The following SGCZ variants were observed in gnomAD, a reference collection of about 807,000 sequenced individuals.
The protein encoded by SGCZ is zeta-sarcoglycan.
A neutral mutation model predicts 41.3 loss-of-function variants in SGCZ; 40 were observed. That is an observed-to-expected ratio of 0.97 (90% CI 0.75 to 1.26). The LOEUF (loss-of-function observed/expected upper bound fraction) is 1.26. SGCZ is among the 50% of genes most tolerant of loss of function. The pLI, the probability that SGCZ is intolerant of heterozygous loss-of-function variation, is 0.00. For synonymous variants in SGCZ, 206 were observed against 137.5 expected, an observed-to-expected ratio of 1.50 and a Z score of -3.49; for missense variants, 552 against 369.8, an observed-to-expected ratio of 1.49 and a Z score of -4.04.
At chr8:14,963,416 G>T (rs180980186) in intron 1 of SGCZ, among the ~76,000 whole-genome samples, 1 of 150,904 alleles carries the variant, frequency 6.6e-6, no homozygotes, top group South Asian at 2.1e-4. Context: ...TTGGCTCACT[G>T]CATCCTGCGC....
intron 1 of SGCZ, among the ~76,000 whole-genome samples, chr8:14,937,604 C>G (rs1029760790): frequency 1.3e-5 from 2 of 151,928 alleles, no homozygotes; most frequent in African/African-American, 4.8e-5. Context: ...TATATACGTA[C>G]GCATATAGAG....
At chr8:14,131,108 T>G (rs977085671) in intron 5 of SGCZ, among the ~76,000 whole-genome samples, 5 of 152,176 alleles carry the variant, frequency 3.3e-5, no homozygotes, top group African/African-American at 9.7e-5. Flanking sequence ...CTATCAAACT[T>G]CTGCTCTTAA....
rs187101114 is a variant in SGCZ, at chr8:14,398,096, T to C, written c.235-73892A>G. ...AAGGGACCCTTTTTGTGACCCTCAA[T>C]TGACATCAAGTAGTCTAGATTTTCC... On this transcript the variant is annotated intron_variant, in intron 2 of 7. Transcript: ENST00000382080. 3.9e-5 allele frequency among the ~76,000 whole-genome samples: 6 copies of C among 152,184 alleles called. No homozygotes were observed. The East Asian group carries it at 5.8e-4, about 15-fold the overall frequency.
At chr8:14,618,415 C>G (rs867541602) in intron 1 of SGCZ, among the ~76,000 whole-genome samples, 74 of 152,076 alleles carry the variant, frequency 4.9e-4, no homozygotes, top group African/African-American at 1.7e-3. Flanking sequence ...CAAAAACATT[C>G]CAGTAGCCAG....
chr8:14,619,077 G>T (rs556249375), intron 1 of SGCZ, among the ~76,000 whole-genome samples: 2 of 152,240 alleles, frequency 1.3e-5, no homozygotes, highest in African/African-American at 4.8e-5. Context: ...CCGTTATAAA[G>T]AACTACCTGA....
chr8:14,280,317 T>C (rs1800378836), intron 3 of SGCZ, among the ~76,000 whole-genome samples: 1 of 151,862 alleles, frequency 6.6e-6, no homozygotes, highest in African/African-American at 2.4e-5. Context: ...AATATAAATT[T>C]AGTTAATGTC....
At chr8:14,153,659 C>T (rs569466587) in intron 5 of SGCZ, among the ~76,000 whole-genome samples, 2 of 152,148 alleles carry the variant, frequency 1.3e-5, no homozygotes, top group Non-Finnish European at 2.9e-5. Context: ...TACTATAAAC[C>T]CCCTACCAAG....
intron 2 of SGCZ, among the ~76,000 whole-genome samples, chr8:14,330,642 A>G (rs1802283823): frequency 6.6e-6 from 1 of 152,036 alleles, no homozygotes; most frequent in Non-Finnish European, 1.5e-5. Flanking sequence ...ATGACATTTG[A>G]AATTTAAAAT....
chr8:15,091,987 C>T (rs1423311338), intron 1 of SGCZ, among the ~76,000 whole-genome samples: 3 of 152,200 alleles, frequency 2.0e-5, no homozygotes, highest in South Asian at 4.2e-4. Flanking sequence ...ATCCTGGGCT[C>T]AAGCGATCCA....
At chr8:14,846,351 T>C (rs1803099635) in intron 1 of SGCZ, among the ~76,000 whole-genome samples, 1 of 151,920 alleles carries the variant, frequency 6.6e-6, no homozygotes, top group Non-Finnish European at 1.5e-5. Context: ...ATCAATGGAA[T>C]TGGACCAAAA....
intron 1 of SGCZ, among the ~76,000 whole-genome samples, chr8:14,682,486 G>C (rs988802735): frequency 1.3e-5 from 2 of 150,346 alleles, no homozygotes; most frequent in African/African-American, 4.9e-5. Context: ...CCAGGCTGGA[G>C]TGCAGTGGTG....
intron 3 of SGCZ, among the ~76,000 whole-genome samples, chr8:14,264,483 G>C (rs1244355181): frequency 6.6e-6 from 1 of 152,112 alleles, no homozygotes; most frequent in Admixed American, 6.5e-5. Context: ...AACATCCGCA[G>C]TAGACCTGCG....
intron 2 of SGCZ, among the ~76,000 whole-genome samples, chr8:14,451,111 C>G (rs1353035750): frequency 6.6e-6 from 1 of 152,152 alleles, no homozygotes; most frequent in East Asian, 1.9e-4. Flanking sequence ...TTCATCTCAC[C>G]TTACACGTTA....
At chr8:14,996,879 C>T (rs1035123968) in intron 1 of SGCZ, among the ~76,000 whole-genome samples, 3 of 152,160 alleles carry the variant, frequency 2.0e-5, no homozygotes, top group African/African-American at 4.8e-5. Flanking sequence ...AAACTTCTGC[C>T]GTGGCTTCTA....
chr8:15,150,287 T>C (rs1323399023), intron 1 of SGCZ, among the ~76,000 whole-genome samples: 12 of 152,180 alleles, frequency 7.9e-5, no homozygotes, highest in Admixed American at 7.9e-4. Context: ...TGATAAAAAA[T>C]TAAAACTGTC....
At position 15,139,999 on chromosome 8, in the gene SGCZ, G is replaced by C. The variant is rs979213959; in HGVS notation, c.39+97586C>G. 4.6e-5 allele frequency among the ~76,000 whole-genome samples: 7 copies of C among 151,920 alleles called. No homozygotes were observed. In the South Asian group the frequency reaches 1.5e-3, roughly 32 times the overall value. On this transcript the variant is annotated intron_variant, in intron 1 of 7. Transcript: ENST00000382080. ...ATGCATTAAAGTTGGTGGGGGTTGG[G>C]GGGACGGACACTGGTTATAAAGCCT... is the stretch of plus-strand genomic sequence containing the variant.
At position 14,473,734 on chromosome 8, in the gene SGCZ, G is replaced by A. The variant is rs997318881; in HGVS notation, c.234+80998C>T. Among the ~76,000 whole-genome samples, 7 of 152,054 alleles carry A rather than the reference G, an allele frequency of 4.6e-5. No individual in the cohort carries two copies. The South Asian group carries it at 6.2e-4, about 14-fold the overall frequency. On this transcript the variant is annotated intron_variant, in intron 2 of 7. Transcript: ENST00000382080. ...GGGTGGATCACGAGGTCAGGAGATC[G>A]AGACCAACTTGGCTAACATGGTGAA... is the stretch of plus-strand genomic sequence containing the variant.
chr8:14,247,192 G>T (rs899185122), intron 3 of SGCZ, among the ~76,000 whole-genome samples: 5 of 152,020 alleles, frequency 3.3e-5, no homozygotes, highest in Admixed American at 1.3e-4. Flanking sequence ...GTTTAGTCAC[G>T]GTTATGAATT....
intron 1 of SGCZ, among the ~76,000 whole-genome samples, chr8:14,831,275 G>T (rs7824677): frequency 0.035 from 5,259 of 152,214 alleles, 325 homozygotes; most frequent in African/African-American, 0.12. Context: ...AGGACAGAAG[G>T]TGTTCTTTGA....
Sources: allele counts gnomAD v4.1 joint callset (sites outside exome capture counted in the v4.1 genomes callset), GRCh38; gene constraint gnomAD v4.1.1; transcripts MANE v1.5; gene names NCBI Gene and HGNC (gene_info 2026-07-23, HGNC 2026-07-21).